MGAT4D: variants seen among roughly 807,000 people sequenced by gnomAD.
MGAT4D encodes the protein alpha-1,3-mannosyl-glycoprotein 4-beta-N-acetylglucosaminyltransferase-like protein MGAT4D.
In MGAT4D, 34 loss-of-function variants were observed where a neutral mutation model predicts 15.9. The observed-to-expected ratio is 2.14, with a 90% CI of 1.62 to 2.84. The LOEUF is 2.84. Among genes scored for constraint, MGAT4D ranks in the 30% most tolerant of loss-of-function variants. The probability of loss-of-function intolerance (pLI) is 0.00; values close to 1 mark genes in which losing one functional copy is unlikely to be tolerated. For synonymous variants in MGAT4D, 112 were observed against 48.2 expected (o/e 2.33, Z -5.49); for missense variants, 327 against 140.2 (o/e 2.33, Z -6.73).
At chr4:140,482,944 T>C (rs1459000701) in intron 1 of MGAT4D, among the ~76,000 whole-genome samples, 4 of 152,186 alleles carry the variant, frequency 2.6e-5, no homozygotes, top group Non-Finnish European at 5.9e-5. Flanking sequence ...TTTAGCATTA[T>C]TTTTAAAAAT....
At chr4:140,457,279 T>C (rs1187484573) in intron 8 of MGAT4D, 1 of 152,056 alleles carries the variant, frequency 6.6e-6, no homozygotes, top group Non-Finnish European at 1.5e-5. Context: ...ACTGCATCTT[T>C]AATTTTAAAA....
At chr4:140,446,983 G>A (rs1450101887) in intron 10 of MGAT4D, among the ~76,000 whole-genome samples, 1 of 151,596 alleles carries the variant, frequency 6.6e-6, no homozygotes, top group Non-Finnish European at 1.5e-5. Context: ...TTCAGGAGCA[G>A]GTTGTTTAAT....
intron 5 of MGAT4D, among the ~76,000 whole-genome samples, chr4:140,469,326 G>A (rs776967967): frequency 2.6e-5 from 4 of 151,836 alleles, no homozygotes; most frequent in Non-Finnish European, 5.9e-5. Context: ...ATATCATTTC[G>A]CCCTTACATT....
At chr4:140,449,091 G>C (rs1487552071) in intron 10 of MGAT4D, among the ~76,000 whole-genome samples, 1 of 152,150 alleles carries the variant, frequency 6.6e-6, no homozygotes, top group Admixed American at 6.5e-5. Flanking sequence ...ATGACTTTTT[G>C]TATACAATGG....
At chr4:140,481,303 TA>T (rs931687586) in intron 2 of MGAT4D, among the ~76,000 whole-genome samples, 10 of 151,390 alleles carry the variant, frequency 6.6e-5, no homozygotes, top group South Asian at 2.1e-4. Context: ...GAGCCTGTTT[TA>T]AAAAAAAATG....
intron 3 of MGAT4D, 28 bp from the exon 4 acceptor site, chr4:140,474,974 A>G (rs926285258): frequency 3.3e-6 from 2 of 609,770 alleles, no homozygotes; most frequent in Non-Finnish European, 5.9e-6. Flanking sequence ...TGAAATCATC[A>G]TTCCATACCA....
intron 1 of MGAT4D, among the ~76,000 whole-genome samples, chr4:140,486,510 G>C (rs987080723): frequency 6.6e-6 from 1 of 151,974 alleles, no homozygotes; most frequent in African/African-American, 2.4e-5. Flanking sequence ...CCCGAAACAG[G>C]CCCCGGTGTG....
chr4:140,478,738 A>G (rs1470191512), intron 3 of MGAT4D, among the ~76,000 whole-genome samples: 1 of 152,020 alleles, frequency 6.6e-6, no homozygotes, highest in Non-Finnish European at 1.5e-5. Flanking sequence ...TTCCCAAGGA[A>G]CTGCCTAGAG....
intron 1 of MGAT4D, among the ~76,000 whole-genome samples, chr4:140,491,033 A>C (rs1456054030): frequency 6.6e-6 from 1 of 152,182 alleles, no homozygotes; most frequent in Non-Finnish European, 1.5e-5. Context: ...TCACTTCTCA[A>C]TAGTTCTACA....
chr4:140,478,512 G>C lies in MGAT4D; in HGVS notation c.391+978C>G, dbSNP rs561164425. On this transcript the variant is annotated intron_variant, in intron 3 of 10. Coordinates refer to ENST00000511113, the MANE Select transcript of MGAT4D (RefSeq NM_001277353.2). ...GCATGTATATGTATATACAGGTAAA[G>C]AGTTTTACAAGTATGAACTCAAGAA... is the stretch of plus-strand genomic sequence containing the variant. 1.5e-4 allele frequency among the ~76,000 whole-genome samples: 23 copies of C among 152,220 alleles called. 1 individual carries two copies. In the South Asian group the frequency reaches 4.8e-3, roughly 32 times the overall value.
chr4:140,464,909 G>A lies in MGAT4D; in HGVS notation c.673C>T (p.Gln225Ter). ...AATATGACATACCTGGCTAATTTTT[G>A]TGAGGCCTCAGCTAAGTGCTTGGCA... Reference protein sequence around the residue: ...LNAKHLAEASQKLASWRIKQV... With the variant: ...LNAKHLAEAS Residue 225 changes from glutamine (Q) to a stop codon, truncating the protein, a stop_gained, in exon 6 of 11, where the codon CAA becomes TAA. Transcript: ENST00000511113. LOFTEE classifies it high-confidence loss of function. 1 of 702,410 alleles carries A rather than the reference G, an allele frequency of 1.4e-6. No individual in the cohort carries two copies. The highest frequency in any genetic ancestry group is 2.6e-6 in the Non-Finnish European group (1 of 384,728). The allele number at this position is 702,410 out of a possible 1,614,324, so 43.5% of individuals were successfully genotyped here.
intron 9 of MGAT4D, among the ~76,000 whole-genome samples, chr4:140,455,203 T>C (rs1000305930): frequency 5.3e-5 from 8 of 152,186 alleles, no homozygotes; most frequent in Non-Finnish European, 1.0e-4. Context: ...TTCTAAGATA[T>C]AGATTTAAGT....
intron 8 of MGAT4D, chr4:140,457,307 G>C (rs1730875644): frequency 6.6e-6 from 1 of 151,964 alleles, no homozygotes; most frequent in South Asian, 2.1e-4. Flanking sequence ...GAAGGGATAA[G>C]ATTCAGGTAC....
chr4:140,443,624 G>A (rs959435834), intron 10 of MGAT4D, among the ~76,000 whole-genome samples, 180 bp from the exon 11 acceptor site: 3 of 152,018 alleles, frequency 2.0e-5, no homozygotes, highest in Non-Finnish European at 4.4e-5. Context: ...TTCTCAAGAT[G>A]TATTAGACAA....
chr4:140,455,721 TG>T (rs1730752976), intron 9 of MGAT4D, among the ~76,000 whole-genome samples: 1 of 152,232 alleles, frequency 6.6e-6, no homozygotes, highest in Admixed American at 6.5e-5. Flanking sequence ...TGTCAGTTTT[TG>T]CTTCATGTAT....
intron 10 of MGAT4D, among the ~76,000 whole-genome samples, chr4:140,444,300 C>T (rs911927993): frequency 7.9e-5 from 12 of 151,896 alleles, no homozygotes; most frequent in Admixed American, 1.3e-4. Context: ...GTTTGGTGTA[C>T]AGCTTATTTT....
intron 9 of MGAT4D, among the ~76,000 whole-genome samples, chr4:140,452,286 C>T (rs72716393): frequency 0.17 from 25,929 of 151,780 alleles, 2,272 homozygotes; most frequent in South Asian, 0.29. Context: ...AAAAATAAAT[C>T]TAAAATGTAT....
rs1212123925 is a variant in MGAT4D at position 140,459,642 on chromosome 4, CAAA to C, written c.763-19_763-17del. Reference sequence around the variant, plus strand: ...CATCTTCTAGCTGAAAAAAAAAACCCAAAAAGACATTAATATCTTTGACGCTTC... The same window carrying C: ...CATCTTCTAGCTGAAAAAAAAAACCCAAGACATTAATATCTTTGACGCTTC... On this transcript the variant is annotated splice_polypyrimidine_tract_variant and intron_variant, in intron 7 of 10. Coordinates refer to ENST00000511113, the MANE Select transcript of MGAT4D (RefSeq NM_001277353.2). The C allele has an allele frequency of 2.3e-6, 1 of 431,196 alleles. No homozygotes were observed. The highest frequency in any genetic ancestry group is 2.1e-5 in the African/African-American group (1 of 48,466). The allele number at this position is 431,196 out of a possible 1,614,324, so 26.7% of individuals were successfully genotyped here. A position where few individuals can be genotyped will look rare whatever the true frequency, so the allele number is the denominator to read the frequency against.
chr4:140,453,245 T>C (rs1418196807), intron 9 of MGAT4D, among the ~76,000 whole-genome samples: 3 of 152,078 alleles, frequency 2.0e-5, no homozygotes, highest in Non-Finnish European at 4.4e-5. Context: ...TCGTTTGTCT[T>C]CTCTTAAAAA....
Sources: gnomAD v4.1 joint callset for allele counts (sites outside exome capture counted in the v4.1 genomes callset) on GRCh38, gnomAD v4.1.1 for gene constraint, MANE v1.5 for transcripts, NCBI Gene and HGNC (gene_info 2026-07-23, HGNC 2026-07-21) for gene names.